INPP5D: variants seen among roughly 807,000 people sequenced by gnomAD.
The protein encoded by INPP5D is phosphatidylinositol 3,4,5-trisphosphate 5-phosphatase 1.
A neutral mutation model predicts 122.9 loss-of-function variants in INPP5D; 33 were observed. The observed-to-expected ratio is 0.27, with a 90% CI of 0.20 to 0.36. INPP5D has a LOEUF of 0.36. Ranked by LOEUF, INPP5D falls within the 10% of genes least tolerant of loss-of-function variation. The pLI, the probability that INPP5D is intolerant of heterozygous loss-of-function variation, is 1.00. For missense variants in INPP5D, 1,053 were observed against 1,412.7 expected, an observed-to-expected ratio of 0.75 and a Z score of 4.08; for synonymous variants, 584 against 576.2, an observed-to-expected ratio of 1.01 and a Z score of -0.19.
chr2:233,146,764 AG>A (rs915600571), intron 8 of INPP5D, among the ~76,000 whole-genome samples: 1 of 150,566 alleles, frequency 6.6e-6, no homozygotes, highest in African/African-American at 2.5e-5. Flanking sequence ...TACTGCCTCA[AG>A]GGGGTGGGGA....
In INPP5D at chr2:233,183,330, C is replaced by T. The variant is rs1694831353; in HGVS notation, c.2161+831C>T. Among the ~76,000 whole-genome samples the T allele has an allele frequency of 6.6e-6, 1 of 152,174 alleles. No homozygotes were observed. Among genetic ancestry groups the T allele is most frequent in the South Asian group, 2.1e-4 (1 of 4,826 alleles). On this transcript the variant is annotated intron_variant, in intron 19 of 26. Transcript: ENST00000445964. This position sits in a 1 kb window ranked among gnomAD's most constrained non-coding sequence, Gnocchi z 4.6. ...ACCATCTTGCTCTGTGTCCTTCATGCCCTGGGGGACACACGTGAGGCCGAA... is the reference window on the plus strand; with the variant it reads ...ACCATCTTGCTCTGTGTCCTTCATGTCCTGGGGGACACACGTGAGGCCGAA...
chr2:233,139,466 CTG>C (rs1191977468), intron 5 of INPP5D, among the ~76,000 whole-genome samples: 2,444 of 147,350 alleles, frequency 0.017, 29 homozygotes, highest in Middle Eastern at 0.028. Context: ...TTGTTAACAC[CTG>C]TGTGTGTGTG....
intron 1 of INPP5D, among the ~76,000 whole-genome samples, chr2:233,077,581 C>G (rs1028695056): frequency 6.8e-6 from 1 of 146,790 alleles, no homozygotes; most frequent in East Asian, 2.1e-4. Context: ...ATTGCTTGAA[C>G]CTGGGAGGCA....
intron 1 of INPP5D, among the ~76,000 whole-genome samples, chr2:233,067,184 C>A (rs924681110): frequency 6.6e-6 from 1 of 152,184 alleles, no homozygotes; most frequent in East Asian, 1.9e-4. Context: ...GAAAAGAAAC[C>A]CTGTACCCAC....
chr2:233,081,737 C>T (rs1486533754), intron 2 of INPP5D, among the ~76,000 whole-genome samples: 1 of 151,994 alleles, frequency 6.6e-6, no homozygotes, highest in African/African-American at 2.4e-5. Context: ...AGGAGAAGGC[C>T]GCCCTAGGGC....
In INPP5D at chr2:233,197,739, A is replaced by G. The variant is rs1217108976; in HGVS notation, c.2694-356A>G. Among the ~76,000 whole-genome samples, 2 of 151,994 alleles carry G rather than the reference A, an allele frequency of 1.3e-5. No individual in the cohort carries two copies. The highest frequency in any genetic ancestry group is 2.9e-5 in the Non-Finnish European group (2 of 67,988). ...TGGTCCCAACACTTCACTAGTCCCCATCTCTGCCCCTTGTTATTCTCAGAC... is the reference window on the plus strand; with the variant it reads ...TGGTCCCAACACTTCACTAGTCCCCGTCTCTGCCCCTTGTTATTCTCAGAC... On this transcript the variant is annotated intron_variant, in intron 24 of 26. Transcript: ENST00000445964. The surrounding 1 kb of genome is among the most constrained non-coding windows in gnomAD (Gnocchi z 4.4).
At chr2:233,083,447 G>A (rs1691743510) in intron 2 of INPP5D, among the ~76,000 whole-genome samples, 2 of 152,204 alleles carry the variant, frequency 1.3e-5, no homozygotes, top group Admixed American at 1.3e-4. Flanking sequence ...GACTCAGCTT[G>A]CACTGCTTTT....
At chr2:233,126,083 T>C (rs1323152683) in intron 4 of INPP5D, among the ~76,000 whole-genome samples, 164 bp downstream of exon 4, 1 of 152,194 alleles carries the variant, frequency 6.6e-6, no homozygotes, top group Non-Finnish European at 1.5e-5. Context: ...CAGAGGCCTT[T>C]GCACCATTGG....
intron 26 of INPP5D, 134 bp downstream of exon 26, chr2:233,204,851 T>G: frequency 8.2e-7 from 1 of 1,226,058 alleles, no homozygotes; most frequent in Non-Finnish European, 1.1e-6. Flanking sequence ...TGTGAACGCA[T>G]GCATGTGCAC....
chr2:233,146,557 A>G, intron 8 of INPP5D, 119 bp downstream of exon 8: 1 of 682,362 alleles, frequency 1.5e-6, no homozygotes, highest in Non-Finnish European at 2.7e-6. Context: ...CAGGGAGCGC[A>G]TTAGCCAAGA....
intron 1 of INPP5D, among the ~76,000 whole-genome samples, chr2:233,070,040 A>G (rs1301578980): frequency 6.6e-6 from 1 of 152,152 alleles, no homozygotes; most frequent in East Asian, 1.9e-4. Flanking sequence ...AAGGTGGTGA[A>G]TGTTCATTTT....
chr2:233,091,099 C>T (rs543091748), intron 2 of INPP5D, among the ~76,000 whole-genome samples: 1 of 152,310 alleles, frequency 6.6e-6, no homozygotes, highest in East Asian at 1.9e-4. Context: ...CACTAAACTC[C>T]TTCCTGCCCC....
In INPP5D at chr2:233,100,590, C is replaced by T. The variant is rs1016119478; in HGVS notation, c.198+21192C>T. Among the ~76,000 whole-genome samples the T allele has an allele frequency of 2.6e-5, 4 of 152,238 alleles. No homozygotes were observed. Among genetic ancestry groups the T allele is most frequent in the Non-Finnish European group, 4.4e-5 (3 of 68,044 alleles). On this transcript the variant is annotated intron_variant, in intron 2 of 26. Coordinates refer to ENST00000445964, the MANE Select transcript of INPP5D (RefSeq NM_001017915.3). This position sits in a 1 kb window ranked among gnomAD's most constrained non-coding sequence, Gnocchi z 5.3. ...TCCCCCATGGACTCATGGGCACCCC[C>T]GGTTGAGCTCGCTCACCCAGAGCTC...
chr2:233,115,149 G>A (rs898103702), intron 2 of INPP5D, among the ~76,000 whole-genome samples: 10 of 152,218 alleles, frequency 6.6e-5, no homozygotes, highest in Non-Finnish European at 1.3e-4. Flanking sequence ...TTGCAAGCGT[G>A]AGCCATCGCG....
intron 2 of INPP5D, among the ~76,000 whole-genome samples, chr2:233,120,354 G>A (rs1339987691): frequency 6.6e-6 from 1 of 152,006 alleles, no homozygotes; most frequent in Non-Finnish European, 1.5e-5. Flanking sequence ...TGTGGTGGCG[G>A]GCACCTGTAA....
chr2:233,186,102 C>A (rs1469483771), intron 21 of INPP5D, among the ~76,000 whole-genome samples, 177 bp downstream of exon 21: 1 of 152,196 alleles, frequency 6.6e-6, no homozygotes, highest in Non-Finnish European at 1.5e-5. Flanking sequence ...TCGTAACACA[C>A]TTTACAGCAG....
rs764464155 is a variant in INPP5D, at chr2:233,125,902, A to C, written c.507A>C (p.Gln169His). Residue 169 changes from glutamine (Q) to histidine (H), a missense_variant, in exon 4 of 27, where the codon CAA becomes CAC. Physicochemically the swap from Gln to His is conservative, Grantham distance 24. Around this residue, in one of 6 missense-constraint regions of INPP5D, gnomAD observed 196 missense variants for 175.6 expected, o/e 1.12. Transcript: ENST00000445964. ...SLSETLFQRL[Q>H]SMDTSGLPEE... ...CCGAGACATTGTTCCAGCGACTGCA[A>C]AGCATGGACACCAGTGGGTGAGTCC... is the stretch of plus-strand genomic sequence containing the variant. The C allele has an allele frequency of 1.9e-6, 3 of 1,613,602 alleles. No individual in the cohort carries two copies. Among genetic ancestry groups the C allele is most frequent in the Non-Finnish European group, 2.5e-6 (3 of 1,179,744 alleles).
At chr2:233,104,240 A>G (rs1395668852) in intron 2 of INPP5D, among the ~76,000 whole-genome samples, 5 of 151,998 alleles carry the variant, frequency 3.3e-5, no homozygotes, top group Non-Finnish European at 7.4e-5. Context: ...TGAACTCTTA[A>G]CCTCAAGTGA....
At chr2:233,152,863 TG>T (rs36172029) in intron 9 of INPP5D, among the ~76,000 whole-genome samples, 77,256 of 151,706 alleles carry the variant, frequency 0.51, 20,309 homozygotes, top group East Asian at 0.67. Flanking sequence ...GGTTTTCAGC[TG>T]GGGGGGGTGT....
Sources: gnomAD v4.1 joint callset for allele counts (sites outside exome capture counted in the v4.1 genomes callset) on GRCh38, gnomAD v4.1.1 for gene constraint, gnomAD v4.1.1 regional missense constraint, Gnocchi (gnomAD v3.1) non-coding constraint, MANE v1.5 for transcripts, NCBI Gene and HGNC (gene_info 2026-07-23, HGNC 2026-07-21) for gene names.